The following ADGRG5 variants were observed in gnomAD, a reference collection of about 807,000 sequenced individuals.
The protein encoded by ADGRG5 is G protein-coupled receptor 114.
In ADGRG5, 37 loss-of-function variants were observed where a neutral mutation model predicts 53.2. The observed-to-expected ratio is 0.70, with a 90% CI of 0.53 to 0.91. ADGRG5 has a LOEUF of 0.91. Ranked by LOEUF, ADGRG5 falls within the 40% of genes least tolerant of loss-of-function variation. The pLI, the probability that ADGRG5 is intolerant of heterozygous loss-of-function variation, is 0.00. For synonymous variants in ADGRG5, 277 were observed against 290.4 expected, an observed-to-expected ratio of 0.95 and a Z score of 0.47; for missense variants, 614 against 675.8, an observed-to-expected ratio of 0.91 and a Z score of 1.01.
At chr16:57,554,927 G>A (rs1451956496) in intron 1 of ADGRG5, among the ~76,000 whole-genome samples, 1 of 151,952 alleles carries the variant, frequency 6.6e-6, no homozygotes, top group African/African-American at 2.4e-5. Context: ...TCTGACTCAT[G>A]GGTTACTTAA....
intron 8 of ADGRG5, 61 bp downstream of exon 8, chr16:57,567,652 T>A: frequency 6.3e-7 from 1 of 1,576,278 alleles, no homozygotes. Context: ...CTTCCTTGTG[T>A]CCCATTTAGT....
chr16:57,537,938 C>T (rs1464057658), upstream of ADGRG5, among the ~76,000 whole-genome samples: 1 of 152,142 alleles, frequency 6.6e-6, no homozygotes, highest in Non-Finnish European at 1.5e-5. Flanking sequence ...AATGAAGGCT[C>T]AGAGAGGCTC....
intron 4 of ADGRG5, 104 bp downstream of exon 4, chr16:57,563,351 A>C: frequency 2.0e-6 from 2 of 983,898 alleles, no homozygotes; most frequent in Non-Finnish European, 1.6e-6. Flanking sequence ...CTTCCTCCCC[A>C]CACCCCACAG....
At chr16:57,563,686 C>T (rs1278832908) in intron 4 of ADGRG5, among the ~76,000 whole-genome samples, 162 bp from the exon 5 acceptor site, 1 of 152,146 alleles carries the variant, frequency 6.6e-6, no homozygotes, top group East Asian at 1.9e-4. Flanking sequence ...GAGGGAAGGC[C>T]TGGGATCTTG....
At chr16:57,568,150 C>A in intron 9 of ADGRG5, 26 bp downstream of exon 9, 1 of 1,609,820 alleles carries the variant, frequency 6.2e-7, no homozygotes, top group South Asian at 1.1e-5. Context: ...CTCCTCGCCT[C>A]CTCAGACTTC....
Position 57,565,112 on chromosome 16 carries a change from G to C in ADGRG5, c.508G>C (p.Asp170His), listed in dbSNP as rs2146804033. ...LSHGHVNNLR[D>H]PVNISFWHNQ... is the part of the protein sequence containing the mutation. ...TCATGGGCACGTGAACAACCTCAGGGATCCTGTGAACATCAGCTTCTGGCA... is the reference window on the plus strand; with the variant it reads ...TCATGGGCACGTGAACAACCTCAGGCATCCTGTGAACATCAGCTTCTGGCA... The change falls in exon 6 of 12, where the codon GAT becomes CAT. Residue 170 changes from aspartate (D) to histidine (H), a missense_variant. Physicochemically the swap from Asp to His is moderately conservative, Grantham distance 81. Transcript: ENST00000349457. The C allele has an allele frequency of 6.2e-7, 1 of 1,613,892 alleles. No homozygotes were observed. Among genetic ancestry groups the C allele is most frequent in the Non-Finnish European group, 8.5e-7 (1 of 1,179,868 alleles).
At chr16:57,564,275 A>T (rs528394712) in intron 5 of ADGRG5, among the ~76,000 whole-genome samples, 1 of 152,146 alleles carries the variant, frequency 6.6e-6, no homozygotes, top group East Asian at 1.9e-4. Flanking sequence ...GCCCTCAGAT[A>T]ACTCTCTGTC....
chr16:57,567,202 C>T (rs59136566), intron 7 of ADGRG5, among the ~76,000 whole-genome samples: 2,558 of 152,330 alleles, frequency 0.017, 78 homozygotes, highest in African/African-American at 0.059. Context: ...GCCTGGCACC[C>T]CTTTCTGCAC....
chr16:57,531,264 G>A, the ADGRG5 span, among the ~76,000 whole-genome samples: 2 of 150,432 alleles, frequency 1.3e-5, no homozygotes, highest in East Asian at 2.0e-4. Flanking sequence ...GTGCTCCTCC[G>A]AGAGAAGGCA....
At chr16:57,530,496 G>A in the ADGRG5 span, among the ~76,000 whole-genome samples, 1 of 152,124 alleles carries the variant, frequency 6.6e-6, no homozygotes. Flanking sequence ...GGTGGGACTC[G>A]GCACTGGCTG....
Position 57,568,275 on chromosome 16 carries a change from C to T in ADGRG5, c.1090+151C>T, listed in dbSNP as rs2033201925. The stretch of plus-strand genomic sequence containing the variant: ...CTCTGTCTACACCCACCTCTACTTT[C>T]TATGTTACTAATTTTATCACCTCTT... On this transcript the variant is annotated intron_variant, in intron 9 of 11. Coordinates refer to ENST00000349457, the MANE Select transcript of ADGRG5 (RefSeq NM_001304376.3). The T allele has an allele frequency of 5.8e-5, 42 of 726,028 alleles. No homozygotes were observed. In the South Asian group the frequency reaches 7.1e-4, roughly 12 times the overall value. 45.0% of individuals were successfully genotyped at this position (726,028 alleles called of 1,614,324 possible). A position where few individuals can be genotyped will look rare whatever the true frequency, so the allele number is the denominator to read the frequency against.
intron 9 of ADGRG5, among the ~76,000 whole-genome samples, chr16:57,569,998 T>TTCACCACCA (rs1257443029): frequency 9.6e-6 from 1 of 103,762 alleles, no homozygotes. Flanking sequence ...CTCTACCTCC[T>TTCACCACCA]TCACCACCAT....
the ADGRG5 span, chr16:57,536,464 T>TGGCCTGCCGCCCCCC: frequency 5.9e-5 from 9 of 152,630 alleles, no homozygotes; most frequent in East Asian, 1.2e-3. Context: ...CGGGCCGCCT[T>TGGCCTGCCGCCCCCC]GGCCTGCCGC....
intron 1 of ADGRG5, among the ~76,000 whole-genome samples, chr16:57,556,037 A>G (rs945032559): frequency 7.2e-5 from 11 of 152,000 alleles, no homozygotes; most frequent in Non-Finnish European, 1.5e-4. Context: ...TAAGTTTCCT[A>G]AGGTCTCCCC....
At chr16:57,552,051 G>T (rs986067284) in intron 1 of ADGRG5, among the ~76,000 whole-genome samples, 1 of 151,218 alleles carries the variant, frequency 6.6e-6, no homozygotes, top group East Asian at 1.9e-4. Context: ...TGAGTAGTAG[G>T]TCTTAACAGT....
At position 57,570,400 on chromosome 16, in the gene ADGRG5, C is replaced by T; in HGVS notation, c.1091-18C>T. The T allele has an allele frequency of 6.4e-7, 1 of 1,566,448 alleles. No individual in the cohort carries two copies. The highest frequency in any genetic ancestry group is 8.8e-7 in the Non-Finnish European group (1 of 1,140,266). Reference sequence around the variant, plus strand: ...CAGCCCTCTCCCACATCTCCTGAGCCTTTGTCCCACCCCTCAGGGGCCCCA... The same window carrying T: ...CAGCCCTCTCCCACATCTCCTGAGCTTTTGTCCCACCCCTCAGGGGCCCCA... On this transcript the variant is annotated intron_variant, in intron 9 of 11. Transcript: ENST00000349457.
chr16:57,529,335 A>C, the ADGRG5 span: 1 of 1,037,868 alleles, frequency 9.6e-7, no homozygotes, highest in Non-Finnish European at 1.2e-6. This position sits in a 1 kb window ranked among gnomAD's most constrained non-coding sequence, Gnocchi z 4.1. Flanking sequence ...CTACGGGAGA[A>C]CACAACCGTT....
chr16:57,540,103 C>T (rs192348439), upstream of ADGRG5, among the ~76,000 whole-genome samples: 1 of 151,958 alleles, frequency 6.6e-6, no homozygotes, highest in Non-Finnish European at 1.5e-5. Context: ...ATTCGCTGGG[C>T]GTGGTGGTGT....
chr16:57,535,883 G>A, the ADGRG5 span, among the ~76,000 whole-genome samples: 1 of 152,102 alleles, frequency 6.6e-6, no homozygotes, highest in Non-Finnish European at 1.5e-5. Flanking sequence ...GAGCGGGGGT[G>A]GGAAGGTGGA....
Sources: gnomAD v4.1 joint callset for allele counts (sites outside exome capture counted in the v4.1 genomes callset) on GRCh38, gnomAD v4.1.1 for gene constraint, Gnocchi (gnomAD v3.1) non-coding constraint, MANE v1.5 for transcripts, NCBI Gene and HGNC (gene_info 2026-07-23, HGNC 2026-07-21) for gene names.